RAD17: variants seen among roughly 807,000 people sequenced by gnomAD.
RAD17 encodes the protein cell cycle checkpoint protein RAD17.
A neutral mutation model predicts 81.5 loss-of-function variants in RAD17; 31 were observed. That is an observed-to-expected ratio of 0.38 (90% CI 0.29 to 0.51). The LOEUF is 0.51. Ranked by LOEUF, RAD17 falls within the 20% of genes least tolerant of loss-of-function variation. The probability of loss-of-function intolerance (pLI) is 0.88; values close to 1 mark genes in which losing one functional copy is unlikely to be tolerated. For synonymous variants in RAD17, 261 were observed against 266.2 expected (o/e 0.98, Z 0.19); for missense variants, 681 against 781.2 (o/e 0.87, Z 1.53).
At chr5:69,372,297 G>C in intron 4 of RAD17, 80 bp downstream of exon 4, 3 of 1,275,210 alleles carry the variant, frequency 2.4e-6, no homozygotes, top group Non-Finnish European at 2.3e-6. Context: ...TGTCTTAAAA[G>C]AAGAGTGAAG....
At chr5:69,402,003 CAAAAAAA>C (rs1173414879) in intron 17 of RAD17, among the ~76,000 whole-genome samples, 2 of 44,926 alleles carry the variant, frequency 4.5e-5, no homozygotes, top group African/African-American at 2.0e-4. Flanking sequence ...GACTCTGTCT[CAAAAAAA>C]AAAAAAAAAA....
intron 16 of RAD17, 25 bp from the exon 17 acceptor site, chr5:69,400,024 T>TG: frequency 4.1e-6 from 6 of 1,471,486 alleles, no homozygotes; most frequent in Non-Finnish European, 4.6e-6. Flanking sequence ...TTTCCTTTCA[T>TG]CTTTTTTTTT....
chr5:69,384,739 TATA>T, intron 7 of RAD17, 55 bp from the exon 8 acceptor site: 2 of 1,477,172 alleles, frequency 1.4e-6, no homozygotes, highest in Non-Finnish European at 1.9e-6. Flanking sequence ...CATACAGATG[TATA>T]ATATTAATGT....
At chr5:69,408,225 T>C (rs964240874) in intron 17 of RAD17, among the ~76,000 whole-genome samples, 1 of 142,082 alleles carries the variant, frequency 7.0e-6, no homozygotes, top group Non-Finnish European at 1.6e-5. Context: ...TTAGGGAATA[T>C]ATTGTAGCAA....
chr5:69,374,064 G>A lies in RAD17; in HGVS notation c.244G>A (p.Asp82Asn). Residue 82 changes from aspartate (D) to asparagine (N), a missense_variant, in exon 5 of 19, where the codon GAT (aspartate) becomes AAT (asparagine). Physicochemically the swap from Asp to Asn is conservative, Grantham distance 23. Coordinates refer to ENST00000354868, the MANE Select transcript of RAD17 (RefSeq NM_133338.3). ...TCTGTCTGAAAATGAACCATGGGTG[G>A]ATAAATATAAACCAGAAACTCAGGT... ...EYLSENEPWV[D>N]KYKPETQHEL... 1 of 1,608,578 alleles carries A rather than the reference G, an allele frequency of 6.2e-7. No homozygotes were observed. The highest frequency in any genetic ancestry group is 8.5e-7 in the Non-Finnish European group (1 of 1,177,668).
chr5:69,375,759 T>A (rs980076729), intron 6 of RAD17, among the ~76,000 whole-genome samples: 1 of 152,154 alleles, frequency 6.6e-6, no homozygotes, highest in Non-Finnish European at 1.5e-5. Context: ...GTCCCCAAAA[T>A]GTCTTTTGTA....
intron 12 of RAD17, 139 bp from the exon 13 acceptor site, chr5:69,391,692 G>T: frequency 1.6e-6 from 1 of 637,796 alleles, no homozygotes; most frequent in Non-Finnish European, 2.4e-6. Flanking sequence ...TTCCAACTCA[G>T]TTAATGTCAT....
intron 6 of RAD17, 82 bp from the exon 7 acceptor site, chr5:69,381,805 TTATAGAAGTAAATA>T: frequency 1.1e-6 from 1 of 887,460 alleles, no homozygotes; most frequent in Non-Finnish European, 1.7e-6. Context: ...CAGCAAATAT[TTATAGAAGTAAATA>T]TATTTAGAAT....
At chr5:69,378,847 C>A (rs568673136) in intron 6 of RAD17, among the ~76,000 whole-genome samples, 1 of 152,286 alleles carries the variant, frequency 6.6e-6, no homozygotes, top group South Asian at 2.1e-4. Flanking sequence ...TCCTATGCTA[C>A]AAACCTGTAT....
rs775961602 is a variant in RAD17, at chr5:69,371,525, A to C, written c.-208A>C. The C allele has an allele frequency of 1.3e-5, 18 of 1,423,910 alleles. No individual in the cohort carries two copies. Among genetic ancestry groups the C allele is most frequent in the Non-Finnish European group, 1.7e-5 (18 of 1,067,238 alleles). 88.2% of individuals were successfully genotyped at this position (1,423,910 alleles called of 1,614,324 possible). On this transcript the variant is annotated 5_prime_UTR_variant, in exon 3 of 19. Coordinates refer to ENST00000354868, the MANE Select transcript of RAD17 (RefSeq NM_133338.3). ...ACTATTACAGTTTATAATGTCAAAA[A>C]CTTTTCTTAGACCAAAGGTATCTTC...
chr5:69,373,711 T>TAGTTTTAAAGGTTATAAA, intron 4 of RAD17, 119 bp from the exon 5 acceptor site: 1 of 435,608 alleles, frequency 2.3e-6, no homozygotes, highest in Non-Finnish European at 3.4e-6. Flanking sequence ...TTTTTTTTTT[T>TAGTTTTAAAGGTTATAAA]TTTTTAAGTT....
At chr5:69,412,992 A>T (rs1766106893) in intron 18 of RAD17, among the ~76,000 whole-genome samples, 2 of 152,142 alleles carry the variant, frequency 1.3e-5, no homozygotes, top group South Asian at 4.1e-4. Flanking sequence ...CTCAAAAAAA[A>T]AAAAAGATGA....
intron 6 of RAD17, among the ~76,000 whole-genome samples, chr5:69,377,474 TAC>T (rs1284487463): frequency 2.7e-3 from 28 of 10,200 alleles, no homozygotes; most frequent in South Asian, 0.018. Context: ...TATATATATA[TAC>T]ACACACACAC....
chr5:69,382,236 GC>G (rs1396727015), intron 7 of RAD17, among the ~76,000 whole-genome samples, 179 bp downstream of exon 7: 1 of 152,074 alleles, frequency 6.6e-6, no homozygotes, highest in African/African-American at 2.4e-5. Flanking sequence ...ATTGCTTCAG[GC>G]CAGGAGTTAA....
intron 6 of RAD17, among the ~76,000 whole-genome samples, chr5:69,376,214 GA>G (rs1382791123): frequency 3.3e-5 from 5 of 152,150 alleles, no homozygotes; most frequent in African/African-American, 1.2e-4. Context: ...AATCCATGGG[GA>G]GATACCGTGG....
intron 18 of RAD17, 61 bp downstream of exon 18, chr5:69,410,611 G>A (rs6871685): frequency 0.92 from 1,312,455 of 1,428,924 alleles, 606,945 homozygotes; most frequent in Non-Finnish European, 0.95. Context: ...AATATGTTCA[G>A]TATGAATCAA....
At chr5:69,377,454 T>TATAC (rs1561238696) in intron 6 of RAD17, among the ~76,000 whole-genome samples, 93 of 8,568 alleles carry the variant, frequency 0.011, 6 homozygotes, top group Non-Finnish European at 0.038. Context: ...TATATATATA[T>TATAC]ATATATATAT....
intron 6 of RAD17, among the ~76,000 whole-genome samples, chr5:69,376,776 G>A (rs1319121468): frequency 1.4e-5 from 2 of 146,348 alleles, no homozygotes; most frequent in African/African-American, 2.5e-5. Flanking sequence ...TTTTTTTCTC[G>A]AGAGTCTTGC....
intron 12 of RAD17, among the ~76,000 whole-genome samples, chr5:69,391,019 G>A (rs1764522469): frequency 6.6e-6 from 1 of 151,012 alleles, no homozygotes; most frequent in Non-Finnish European, 1.5e-5. Context: ...AGGCCAATTT[G>A]TGTGGTTGGG....
Sources: gnomAD v4.1 joint callset for allele counts (sites outside exome capture counted in the v4.1 genomes callset) on GRCh38, gnomAD v4.1.1 for gene constraint, MANE v1.5 for transcripts, NCBI Gene and HGNC (gene_info 2026-07-23, HGNC 2026-07-21) for gene names.